The following ACSBG2 variants were observed in gnomAD, a reference collection of about 807,000 sequenced individuals.
The protein encoded by ACSBG2 is acyl-CoA synthetase bubblegum family member 2, also known as long-chain-fatty-acid--CoA ligase ACSBG2.
A neutral mutation model predicts 74.7 loss-of-function variants in ACSBG2; 62 were observed. That is an observed-to-expected ratio of 0.83 (90% CI 0.68 to 1.03). ACSBG2 has a LOEUF of 1.03. ACSBG2 is among the 50% of genes least tolerant of loss of function. ACSBG2 has a pLI of 0.00. For missense variants in ACSBG2, 730 were observed against 817.6 expected (o/e 0.89, Z 1.31); for synonymous variants, 309 against 294.1 (o/e 1.05, Z -0.52).
intron 10 of ACSBG2, among the ~76,000 whole-genome samples, chr19:6,184,854 A>C (rs1341895954): frequency 4.4e-5 from 6 of 137,708 alleles, no homozygotes; most frequent in African/African-American, 6.2e-5. Context: ...AAAAAAAAAA[A>C]AAAAAAAAAA....
At chr19:6,173,606 C>A (rs113544518) in intron 7 of ACSBG2, among the ~76,000 whole-genome samples, 10 of 152,286 alleles carry the variant, frequency 6.6e-5, no homozygotes, top group East Asian at 1.9e-4. Flanking sequence ...GCTTTCCTTT[C>A]CTACGCCGCA....
rs1242474354 is a variant in ACSBG2 at position 6,147,575 on chromosome 19, C to T, written c.197C>T (p.Thr66Ile). The T allele has an allele frequency of 1.9e-6, 3 of 1,614,184 alleles. No individual in the cohort carries two copies. Among genetic ancestry groups the T allele is most frequent in the South Asian group, 1.1e-5 (1 of 91,080 alleles). The change falls in exon 3 of 15, where the codon ACT becomes ATT. Residue 66 changes from threonine (T) to isoleucine (I), a missense_variant. By Grantham distance (89) the Thr-to-Ile change is moderately conservative (BLOSUM62 -1). Coordinates refer to ENST00000588485, the MANE Select transcript of ACSBG2 (RefSeq NM_030924.5). ...FFRESVNRFG[T>I]YPALASKNGK... ...CGAGAGTCAGTCAACCGATTTGGAA[C>T]TTATCCAGCCCTCGCATCCAAGAAT...
chr19:6,149,924 G>A lies in ACSBG2; in HGVS notation c.298-1783G>A, dbSNP rs574621358. 4.6e-5 allele frequency among the ~76,000 whole-genome samples: 7 copies of A among 151,416 alleles called. No individual in the cohort carries two copies. In the East Asian group the frequency reaches 1.2e-3, roughly 25 times the overall value. ...CTCCCAAAGTGCTGGGATTACAGGCGTGAGCCACCACGCCTGTAATTTTTT... is the reference window on the plus strand; with the variant it reads ...CTCCCAAAGTGCTGGGATTACAGGCATGAGCCACCACGCCTGTAATTTTTT... On this transcript the variant is annotated intron_variant, in intron 3 of 14. Coordinates refer to ENST00000588485, the MANE Select transcript of ACSBG2 (RefSeq NM_030924.5).
At chr19:6,138,491 A>G in intron 1 of ACSBG2, among the ~76,000 whole-genome samples, 2 of 117,512 alleles carry the variant, frequency 1.7e-5, no homozygotes, top group Admixed American at 1.0e-4. Flanking sequence ...GGGAAGGGGG[A>G]AGGGGGAGGG....
At position 6,156,481 on chromosome 19, in the gene ACSBG2, A is replaced by AATAT; in HGVS notation, c.437_438insATAT (p.Tyr146Ter). On this transcript the variant is annotated stop_gained and frameshift_variant, in exon 5 of 15. Coordinates refer to ENST00000588485, the MANE Select transcript of ACSBG2 (RefSeq NM_030924.5). LOFTEE classifies it high-confidence loss of function. ...ACCAACTCTGCCGAGGTTTGTCAAT[A>AATAT]TGTCATCACTCATGCCAAAGTGAAC... 6.3e-7 allele frequency: 1 copy of AATAT among 1,595,630 alleles called. No individual in the cohort carries two copies. The highest frequency in any genetic ancestry group is 1.4e-5 in the African/African-American group (1 of 73,870).
chr19:6,185,953 AG>A (rs2090393504), intron 11 of ACSBG2, among the ~76,000 whole-genome samples: 1 of 152,226 alleles, frequency 6.6e-6, no homozygotes, highest in South Asian at 2.1e-4. Context: ...CAGTAAGAGA[AG>A]GATAAAGAAA....
Position 6,166,877 on chromosome 19 carries a change from G to A in ACSBG2, c.738+862G>A, listed in dbSNP as rs188347440. On this transcript the variant is annotated intron_variant, in intron 7 of 14. Transcript: ENST00000588485. ...TGGTCTCAAACTCCTGACCTCAAGT[G>A]ATCTGCCTGCCTCGGCCTCCCAAAG... Among the ~76,000 whole-genome samples the A allele has an allele frequency of 8.6e-5, 13 of 151,994 alleles. No homozygotes were observed. In the East Asian group the frequency reaches 2.5e-3, roughly 30 times the overall value.
chr19:6,187,717 A>T lies in ACSBG2; in HGVS notation c.1799A>T (p.Asp600Val), dbSNP rs370382227. 2.4e-5 allele frequency: 38 copies of T among 1,613,610 alleles called. 1 individual carries two copies. The East Asian group carries it at 8.5e-4, about 36-fold the overall frequency. The change falls in exon 13 of 15, where the codon GAC (aspartate) becomes GTC (valine). Residue 600 changes from aspartate (D) to valine (V), a missense_variant. Transcript: ENST00000588485. ...GTGACTGAGATTGTGAAGCAGCAAG[A>T]CCCCCTGGTCTACAAGGCCATCCAG... Reference protein sequence around the residue: ...STVTEIVKQQDPLVYKAIQQG... With the variant: ...STVTEIVKQQVPLVYKAIQQG...
chr19:6,181,184 A>G lies in ACSBG2; in HGVS notation c.907-1567A>G, dbSNP rs541186075. Among the ~76,000 whole-genome samples, 263 of 146,952 alleles carry G rather than the reference A, an allele frequency of 1.8e-3. 2 individuals are homozygous for G. The highest frequency in any genetic ancestry group is 6.1e-3 in the African/African-American group (240 of 39,636). On this transcript the variant is annotated intron_variant, in intron 8 of 14. Coordinates refer to ENST00000588485, the MANE Select transcript of ACSBG2 (RefSeq NM_030924.5). ...GGCTGCAGTGAGCCGAGATGGTACC[A>G]CTGGACTCCAACCGGGGCAACAGAG...
intron 8 of ACSBG2, among the ~76,000 whole-genome samples, chr19:6,182,040 T>C (rs1357854531): frequency 6.6e-6 from 1 of 152,148 alleles, no homozygotes; most frequent in Non-Finnish European, 1.5e-5. Flanking sequence ...ATTTCAGATA[T>C]TCCTGCAGTT....
At position 6,145,897 on chromosome 19, in the gene ACSBG2, G is replaced by C. The variant is rs535372905; in HGVS notation, c.68-1549G>C. Among the ~76,000 whole-genome samples, 7 of 152,100 alleles carry C rather than the reference G, an allele frequency of 4.6e-5. No individual in the cohort carries two copies. The South Asian group carries it at 1.5e-3, about 32-fold the overall frequency. ...TTGTGTGTCTGGCATTGGGGGAGAG[G>C]GGCTACTTCTTCACATTTGCTCCAC... is the stretch of plus-strand genomic sequence containing the variant. On this transcript the variant is annotated intron_variant, in intron 2 of 14. Transcript: ENST00000588485.
At chr19:6,141,667 C>A in intron 2 of ACSBG2, 57 bp downstream of exon 2, 1 of 1,165,382 alleles carries the variant, frequency 8.6e-7, no homozygotes, top group Non-Finnish European at 1.3e-6. Context: ...TCCACAAAGG[C>A]TCTTTGCAGA....
chr19:6,159,731 A>G (rs76569556), intron 5 of ACSBG2, among the ~76,000 whole-genome samples: 3,158 of 152,192 alleles, frequency 0.021, 116 homozygotes, highest in African/African-American at 0.072. Flanking sequence ...TGTTGGAGTT[A>G]AATAAACTCC....
At chr19:6,169,717 G>A (rs1432678340) in intron 7 of ACSBG2, among the ~76,000 whole-genome samples, 3 of 152,146 alleles carry the variant, frequency 2.0e-5, no homozygotes, top group Non-Finnish European at 2.9e-5. Flanking sequence ...CAATGAGCAT[G>A]GAATGCTTTT....
At chr19:6,163,165 A>G (rs2089682176) in intron 6 of ACSBG2, among the ~76,000 whole-genome samples, 1 of 128,768 alleles carries the variant, frequency 7.8e-6, no homozygotes, top group Non-Finnish European at 1.7e-5. Flanking sequence ...AATAATAATA[A>G]TCGCCCAAGC....
chr19:6,161,355 G>A, intron 6 of ACSBG2, 60 bp downstream of exon 6: 3 of 1,538,550 alleles, frequency 1.9e-6, no homozygotes, highest in Non-Finnish European at 2.7e-6. Flanking sequence ...AGAAAAGTGG[G>A]CGTGGCCTAA....
At chr19:6,181,813 G>GCCCGC (rs2090263984) in intron 8 of ACSBG2, among the ~76,000 whole-genome samples, 1 of 54,424 alleles carries the variant, frequency 1.8e-5, no homozygotes, top group Admixed American at 2.7e-4. Context: ...GTCCCCACCC[G>GCCCGC]CCCCCCCCCC....
At chr19:6,140,522 G>C in intron 1 of ACSBG2, among the ~76,000 whole-genome samples, 1 of 151,864 alleles carries the variant, frequency 6.6e-6, no homozygotes, top group Non-Finnish European at 1.5e-5. Context: ...TCTACTAAAA[G>C]AATATTTTTA....
At chr19:6,177,108 C>T in intron 7 of ACSBG2, 121 bp from the exon 8 acceptor site, 1 of 1,069,322 alleles carries the variant, frequency 9.4e-7, no homozygotes, top group Non-Finnish European at 1.3e-6. Flanking sequence ...CTGCAGTGAG[C>T]TGTGATCACA....
Sources: gnomAD v4.1 joint callset for allele counts (sites outside exome capture counted in the v4.1 genomes callset) on GRCh38, gnomAD v4.1.1 for gene constraint, MANE v1.5 for transcripts, NCBI Gene and HGNC (gene_info 2026-07-23, HGNC 2026-07-21) for gene names.